ITFG1: variants seen among roughly 807,000 people sequenced by gnomAD.
ITFG1 encodes the protein integrin alpha FG-GAP repeat containing 1, also known as T-cell immunomodulatory protein.
A neutral mutation model predicts 81.8 loss-of-function variants in ITFG1; 34 were observed. The ratio of observed to expected loss-of-function variants is 0.42; its 90% CI spans 0.32 to 0.55. The LOEUF (loss-of-function observed/expected upper bound fraction) is 0.55, where lower values mean the gene tolerates loss of function less well. Ranked by LOEUF, ITFG1 falls within the 20% of genes least tolerant of loss-of-function variation. The pLI, the probability that ITFG1 is intolerant of heterozygous loss-of-function variation, is 0.17. For missense variants in ITFG1, 672 were observed against 755.4 expected, an observed-to-expected ratio of 0.89 and a Z score of 1.29; for synonymous variants, 285 against 270.6, an observed-to-expected ratio of 1.05 and a Z score of -0.52.
intron 14 of ITFG1, among the ~76,000 whole-genome samples, chr16:47,173,093 T>C (rs569084842): frequency 6.6e-6 from 1 of 152,318 alleles, no homozygotes; most frequent in East Asian, 1.9e-4. Flanking sequence ...ACTACATGTC[T>C]AACTCCCTTA....
At chr16:47,435,693 G>T (rs1309673705) in intron 5 of ITFG1, among the ~76,000 whole-genome samples, 1 of 152,168 alleles carries the variant, frequency 6.6e-6, no homozygotes, top group African/African-American at 2.4e-5. Flanking sequence ...CTAGGAGATG[G>T]TTCTGGCATG....
At chr16:47,421,270 G>GCACA (rs58232411) in intron 6 of ITFG1, among the ~76,000 whole-genome samples, 2,997 of 129,934 alleles carry the variant, frequency 0.023, 37 homozygotes, top group African/African-American at 0.037. Context: ...ACATACATAT[G>GCACA]CACACACACA....
At chr16:47,296,907 T>A (rs1298744622) in intron 10 of ITFG1, among the ~76,000 whole-genome samples, 1 of 152,226 alleles carries the variant, frequency 6.6e-6, no homozygotes, top group South Asian at 2.1e-4. Flanking sequence ...AAGAATTATA[T>A]GGTTAGAATG....
chr16:47,375,001 T>C (rs2151590330), intron 7 of ITFG1, among the ~76,000 whole-genome samples: 1 of 152,334 alleles, frequency 6.6e-6, no homozygotes, highest in African/African-American at 2.4e-5. Context: ...TTTAATAAAA[T>C]TTATAAAAGG....
At chr16:47,285,326 G>A (rs1002198265) in intron 10 of ITFG1, among the ~76,000 whole-genome samples, 4 of 152,178 alleles carry the variant, frequency 2.6e-5, no homozygotes, top group South Asian at 4.1e-4. Flanking sequence ...TGTGCCCAGG[G>A]AGGGCTTAGA....
chr16:47,393,182 T>C (rs567574888), intron 6 of ITFG1, among the ~76,000 whole-genome samples: 20 of 152,280 alleles, frequency 1.3e-4, no homozygotes, highest in Non-Finnish European at 2.2e-4. Context: ...TAGGAAGAGA[T>C]AGGGAAGGTG....
At chr16:47,320,855 T>G (rs1032167851) in intron 8 of ITFG1, among the ~76,000 whole-genome samples, 1 of 152,180 alleles carries the variant, frequency 6.6e-6, no homozygotes, top group African/African-American at 2.4e-5. Flanking sequence ...TTCAGGGTTC[T>G]CACTTCAAAA....
chr16:47,220,489 G>A (rs892830477), intron 13 of ITFG1, among the ~76,000 whole-genome samples: 6 of 152,162 alleles, frequency 3.9e-5, no homozygotes, highest in Admixed American at 1.3e-4. Context: ...AGTATTTGTC[G>A]CTAATGATAA....
At chr16:47,440,249 A>T (rs974881818) in intron 5 of ITFG1, among the ~76,000 whole-genome samples, 1 of 152,222 alleles carries the variant, frequency 6.6e-6, no homozygotes, top group Non-Finnish European at 1.5e-5. Flanking sequence ...AGACTTTAAC[A>T]CCTCACTGTA....
At chr16:47,414,265 T>G (rs1266917743) in intron 6 of ITFG1, among the ~76,000 whole-genome samples, 2 of 151,996 alleles carry the variant, frequency 1.3e-5, no homozygotes, top group African/African-American at 4.8e-5. Context: ...CTATTTTTTT[T>G]TTTTTATCCC....
chr16:47,353,605 A>G (rs938445202), intron 8 of ITFG1, among the ~76,000 whole-genome samples: 3 of 152,134 alleles, frequency 2.0e-5, no homozygotes, highest in African/African-American at 7.2e-5. Flanking sequence ...AGGCAGTCAA[A>G]CTGTTCTTGT....
intron 5 of ITFG1, among the ~76,000 whole-genome samples, chr16:47,447,001 AGAGGAGT>A (rs972314708): frequency 6.6e-6 from 1 of 151,882 alleles, no homozygotes; most frequent in African/African-American, 2.4e-5. Context: ...AGCTGGGACC[AGAGGAGT>A]GCACCATCAT....
At chr16:47,352,955 A>G (rs1967985240) in intron 8 of ITFG1, among the ~76,000 whole-genome samples, 3 of 152,154 alleles carry the variant, frequency 2.0e-5, no homozygotes, top group Admixed American at 2.0e-4. Context: ...AACTATCGCC[A>G]AGGACAAAAA....
intron 6 of ITFG1, among the ~76,000 whole-genome samples, chr16:47,407,281 A>T (rs1968740916): frequency 1.3e-5 from 2 of 152,216 alleles, no homozygotes; most frequent in South Asian, 2.1e-4. Flanking sequence ...AATATTTCAA[A>T]GGAAGAATGA....
chr16:47,166,547 G>GA (rs1964891857), intron 14 of ITFG1, among the ~76,000 whole-genome samples: 1 of 152,056 alleles, frequency 6.6e-6, no homozygotes, highest in Admixed American at 6.6e-5. Context: ...AAAAATGATG[G>GA]AAACACCAAA....
At position 47,181,710 on chromosome 16, in the gene ITFG1, T is replaced by C. The variant is rs563831013; in HGVS notation, c.1454-19046A>G. On this transcript the variant is annotated intron_variant, in intron 14 of 17. Transcript: ENST00000320640. ...CCAACAGCTCATTGAGAATGGGCCA[T>C]GATGACAATGGCGGTTTTGTGGAAT... Among the ~76,000 whole-genome samples, 550 of 152,236 alleles carry C rather than the reference T, an allele frequency of 3.6e-3. 4 individuals are homozygous for C. Among genetic ancestry groups the C allele is most frequent in the Non-Finnish European group, 5.7e-3 (389 of 67,996 alleles).
chr16:47,413,492 C>T (rs1285989032), intron 6 of ITFG1, among the ~76,000 whole-genome samples: 3 of 152,078 alleles, frequency 2.0e-5, no homozygotes, highest in African/African-American at 7.2e-5. Context: ...CCCAGGAGTT[C>T]AAGACTTGCC....
Position 47,313,705 on chromosome 16 carries a change from TACATTAAAA to T in ITFG1, c.897+15_897+23del. 1 of 1,315,082 alleles carries T rather than the reference TACATTAAAA, an allele frequency of 7.6e-7. No homozygotes were observed. Among genetic ancestry groups the T allele is most frequent in the South Asian group, 1.3e-5 (1 of 75,454 alleles). The allele number at this position is 1,315,082 out of a possible 1,614,324, so 81.5% of individuals were successfully genotyped here. A position where few individuals can be genotyped will look rare whatever the true frequency, so the allele number is the denominator to read the frequency against. ...TTCCAAGCACATAAAAAAAAATGTT[TACATTAAAA>T]ACAACTTGATATACCTGCTTCATCC... On this transcript the variant is annotated intron_variant, in intron 9 of 17. Transcript: ENST00000320640.
chr16:47,272,675 C>T (rs529702984), intron 10 of ITFG1, among the ~76,000 whole-genome samples: 4 of 152,076 alleles, frequency 2.6e-5, no homozygotes, highest in East Asian at 3.9e-4. Flanking sequence ...GGATTACGGG[C>T]GTGAGCCATT....
Sources: allele counts gnomAD v4.1 joint callset (sites outside exome capture counted in the v4.1 genomes callset), GRCh38; gene constraint gnomAD v4.1.1; transcripts MANE v1.5; gene names NCBI Gene and HGNC (gene_info 2026-07-23, HGNC 2026-07-21).